The following DLC1 variants were observed in gnomAD, a reference collection of about 807,000 sequenced individuals.
DLC1 encodes the protein rho GTPase-activating protein 7.
In DLC1, 54 loss-of-function variants were observed where a neutral mutation model predicts 140.3. That is an observed-to-expected ratio of 0.38 (90% CI 0.31 to 0.48). The LOEUF is 0.48. Among genes scored for constraint, DLC1 ranks in the 20% least tolerant of loss-of-function variants. The probability of loss-of-function intolerance (pLI) is 0.96; values close to 1 mark genes in which losing one functional copy is unlikely to be tolerated. For missense variants in DLC1, 2,536 were observed against 1,907.0 expected (o/e 1.33, Z -6.14); for synonymous variants, 986 against 728.1 (o/e 1.35, Z -5.70).
At chr8:13,513,525 C>A (rs1802468783) in intron 1 of DLC1, among the ~76,000 whole-genome samples, 1 of 152,034 alleles carries the variant, frequency 6.6e-6, no homozygotes, top group Non-Finnish European at 1.5e-5. Context: ...AAATAGCTCT[C>A]CATCTTTCAC....
chr8:13,139,124 C>T (rs1242510568), intron 5 of DLC1, among the ~76,000 whole-genome samples: 1 of 151,254 alleles, frequency 6.6e-6, no homozygotes, highest in Non-Finnish European at 1.5e-5. Flanking sequence ...CTCTACACAA[C>T]ATTAAAAATA....
At chr8:13,153,011 T>G (rs1823947684) in intron 5 of DLC1, among the ~76,000 whole-genome samples, 1 of 152,178 alleles carries the variant, frequency 6.6e-6, no homozygotes, top group Non-Finnish European at 1.5e-5. Flanking sequence ...CCGCATATTT[T>G]CATTTTCGCT....
At chr8:13,510,131 A>T (rs996338808) in intron 1 of DLC1, among the ~76,000 whole-genome samples, 1 of 151,520 alleles carries the variant, frequency 6.6e-6, no homozygotes, top group African/African-American at 2.4e-5. Flanking sequence ...TAGATGAGTG[A>T]TTAGAACAAA....
intron 1 of DLC1, among the ~76,000 whole-genome samples, chr8:13,537,905 C>T (rs532882318): frequency 2.0e-5 from 3 of 152,156 alleles, no homozygotes; most frequent in African/African-American, 2.4e-5. Context: ...CCGCCCACCT[C>T]GGCCTCCCAA....
At chr8:13,492,345 C>T (rs1440018770) in intron 2 of DLC1, among the ~76,000 whole-genome samples, 1 of 152,086 alleles carries the variant, frequency 6.6e-6, no homozygotes, top group African/African-American at 2.4e-5. Flanking sequence ...CTTGTGATAA[C>T]CACATCATCC....
chr8:13,552,111 G>GTGTGTATATATATATATATA (rs1279225632), intron 1 of DLC1, among the ~76,000 whole-genome samples: 12 of 54,528 alleles, frequency 2.2e-4, no homozygotes, highest in African/African-American at 8.3e-4. Flanking sequence ...GTCTAGAGGT[G>GTGTGTATATATATATATATA]TATATATATA....
At chr8:13,285,345 T>G (rs190984293) in intron 5 of DLC1, among the ~76,000 whole-genome samples, 4 of 152,182 alleles carry the variant, frequency 2.6e-5, no homozygotes, top group African/African-American at 9.6e-5. Flanking sequence ...GATAACCATA[T>G]GGAAAAAAGA....
chr8:13,581,230 A>G (rs1473907301), intron 1 of DLC1, among the ~76,000 whole-genome samples: 1 of 152,180 alleles, frequency 6.6e-6, no homozygotes, highest in South Asian at 2.1e-4. Flanking sequence ...CACATTTTCT[A>G]TTTAAATTTC....
intron 2 of DLC1, among the ~76,000 whole-genome samples, chr8:13,419,909 G>T (rs889419240): frequency 1.3e-5 from 2 of 152,066 alleles, no homozygotes; most frequent in African/African-American, 2.4e-5. Flanking sequence ...TTGGTCTATT[G>T]AGAGATTCAA....
chr8:13,459,242 T>C (rs1337042412), intron 2 of DLC1, among the ~76,000 whole-genome samples: 2 of 152,210 alleles, frequency 1.3e-5, no homozygotes, highest in Non-Finnish European at 2.9e-5. Context: ...TTTTCTGATT[T>C]CTTCCTTTCC....
intron 1 of DLC1, chr8:13,604,450 T>G (rs1805982163): frequency 6.6e-6 from 1 of 152,196 alleles, no homozygotes; most frequent in Admixed American, 6.6e-5. Context: ...TAGAAAGACT[T>G]TAACATGCAA....
chr8:13,446,449 C>A (rs1798779729), intron 2 of DLC1, among the ~76,000 whole-genome samples: 1 of 152,218 alleles, frequency 6.6e-6, no homozygotes, highest in South Asian at 2.1e-4. Context: ...TTATTGCAGA[C>A]ATGGGCCTGG....
At chr8:13,230,522 G>C (rs1325443165) in intron 5 of DLC1, among the ~76,000 whole-genome samples, 2 of 152,060 alleles carry the variant, frequency 1.3e-5, no homozygotes, top group African/African-American at 4.8e-5. Context: ...TTAGGGGAGA[G>C]AGGCTGCCTA....
rs182781657 is a variant in DLC1, at chr8:13,236,659, T to C, written c.1348+68610A>G. ...CAACTCTGAGACAGGTAAATCTTAC[T>C]GTACTTGCTTTGGAGATGGTCCAAA... is the stretch of plus-strand genomic sequence containing the variant. On this transcript the variant is annotated intron_variant, in intron 5 of 17. Transcript: ENST00000276297. Among the ~76,000 whole-genome samples, 23 of 152,258 alleles carry C rather than the reference T, an allele frequency of 1.5e-4. No individual in the cohort carries two copies. The East Asian group carries it at 4.4e-3, about 29-fold the overall frequency.
At chr8:13,109,614 G>A (rs886622117) in intron 7 of DLC1, among the ~76,000 whole-genome samples, 3 of 151,858 alleles carry the variant, frequency 2.0e-5, no homozygotes, top group African/African-American at 4.8e-5. Context: ...GCTGGGTGCG[G>A]TGGCTCACGC....
intron 1 of DLC1, among the ~76,000 whole-genome samples, chr8:13,512,910 T>G (rs1563412567): frequency 2.0e-5 from 3 of 151,848 alleles, no homozygotes; most frequent in Admixed American, 2.0e-4. Flanking sequence ...TGATTTGATT[T>G]TTTTTTAAAG....
intron 9 of DLC1, 114 bp downstream of exon 9, chr8:13,099,233 T>C: frequency 6.7e-7 from 1 of 1,481,586 alleles, no homozygotes; most frequent in Non-Finnish European, 9.0e-7. Flanking sequence ...TCCTTAGGAA[T>C]GGACATGGCT....
At chr8:13,268,613 C>T (rs1830787270) in intron 5 of DLC1, among the ~76,000 whole-genome samples, 1 of 152,112 alleles carries the variant, frequency 6.6e-6, no homozygotes, top group South Asian at 2.1e-4. Flanking sequence ...GAACTCATGG[C>T]TTCAAGTGAT....
At chr8:13,566,513 T>C (rs1804433577) in intron 1 of DLC1, among the ~76,000 whole-genome samples, 1 of 152,206 alleles carries the variant, frequency 6.6e-6, no homozygotes, top group Non-Finnish European at 1.5e-5. Context: ...GACAAGTTTT[T>C]GCTTGTGCAT....
Sources: allele counts gnomAD v4.1 joint callset (sites outside exome capture counted in the v4.1 genomes callset), GRCh38; gene constraint gnomAD v4.1.1; transcripts MANE v1.5; gene names NCBI Gene and HGNC (gene_info 2026-07-23, HGNC 2026-07-21).